Variants in HOXA1 observed in about 807,000 individuals in gnomAD.
The protein encoded by HOXA1 is homeobox A1.
In HOXA1, 21 loss-of-function variants were observed where a neutral mutation model predicts 28.3. The ratio of observed to expected loss-of-function variants is 0.74; its 90% CI spans 0.53 to 1.07. The LOEUF (loss-of-function observed/expected upper bound fraction) is 1.07. HOXA1 is among the 50% of genes least tolerant of loss of function. HOXA1 has a pLI of 0.00. For synonymous variants in HOXA1, 208 were observed against 181.2 expected (o/e 1.15, Z -1.19); for missense variants, 446 against 434.3 (o/e 1.03, Z -0.24).
Position 27,095,907 on chromosome 7 carries a change from G to T in HOXA1, c.6C>A (p.Asp2Glu). The T allele has an allele frequency of 1.2e-6, 2 of 1,613,116 alleles. No homozygotes were observed. The highest frequency in any genetic ancestry group is 1.7e-6 in the Non-Finnish European group (2 of 1,179,886). M[D>E]NARMNSFLEY... ...CCAGGAAGGAGTTCATTCTTGCATT[G>T]TCCATCTGTCACTGAGTGACCTGGT... Residue 2 changes from aspartate to glutamate, a missense_variant, in exon 1 of 2, where the codon GAC (aspartate) becomes GAA (glutamate). By Grantham distance (45) the Asp-to-Glu change is conservative (BLOSUM62 2). Transcript: ENST00000643460.
At position 27,095,549 on chromosome 7, in the gene HOXA1, C is replaced by A; in HGVS notation, c.364G>T (p.Gly122Trp). The change falls in exon 1 of 2, where the codon GGG (glycine) becomes TGG (tryptophan). Residue 122 changes from glycine (G) to tryptophan (W), a missense_variant. Physicochemically the swap from Gly to Trp is radical, Grantham distance 184 (BLOSUM62 -2). Transcript: ENST00000643460. ...ACAGCGGGAGCGCACTGGGGGTACC[C>A]ACCACTTACGTCTGCTTCCTGATTT... ...ALNQEADVSG[G>W]YPQCAPAVYS... 1.9e-6 allele frequency: 3 copies of A among 1,614,118 alleles called. No homozygotes were observed. The highest frequency in any genetic ancestry group is 2.5e-6 in the Non-Finnish European group (3 of 1,180,032).
chr7:27,093,994 G>C lies in HOXA1; in HGVS notation c.*446C>G, dbSNP rs886492260. ...GATGAATTAATTGTGTAAACATATA[G>C]TGCATCTCTTCTTCCTGAGCTCCTG... On this transcript the variant is annotated 3_prime_UTR_variant, in exon 2 of 2. Coordinates refer to ENST00000643460, the MANE Select transcript of HOXA1 (RefSeq NM_005522.5). The C allele has an allele frequency of 5.5e-6, 1 of 183,420 alleles. No individual in the cohort carries two copies. The highest frequency in any genetic ancestry group is 1.2e-5 in the Non-Finnish European group (1 of 85,134). The allele number at this position is 183,420 out of a possible 1,614,324, so 11.4% of individuals were successfully genotyped here. A position where few individuals can be genotyped will look rare whatever the true frequency, so the allele number is the denominator to read the frequency against.
In HOXA1 at chr7:27,094,399, C is replaced by A. The variant is rs1191393910; in HGVS notation, c.*41G>T. 1 of 1,382,064 alleles carries A rather than the reference C, an allele frequency of 7.2e-7. No homozygotes were observed. The highest frequency in any genetic ancestry group is 1.7e-5 in the Admixed American group (1 of 59,730). The allele number at this position is 1,382,064 out of a possible 1,614,324, so 85.6% of individuals were successfully genotyped here. On this transcript the variant is annotated 3_prime_UTR_variant, in exon 2 of 2. Coordinates refer to ENST00000643460, the MANE Select transcript of HOXA1 (RefSeq NM_005522.5). ...TGTGCTTTGGGTAAGAAGTCCCAGC[C>A]CAAGGAGATGCCTGGGCTGTTGTCT... is the stretch of plus-strand genomic sequence containing the variant.
Position 27,095,465 on chromosome 7 carries a change from C to T in HOXA1, c.448G>A (p.Ala150Thr), listed in dbSNP as rs1443940035. Residue 150 changes from alanine (A) to threonine (T), a missense_variant, in exon 1 of 2, where the codon GCT (alanine) becomes ACT (threonine). Physicochemically the swap from Ala to Thr is moderately conservative, Grantham distance 58. Transcript: ENST00000643460. ...TGAGGCGAGCCCACCGCGCCCCCAG[C>T]ATAACCCTGGTGGTGGTGGTGATGC... The part of the protein sequence containing the change: ...VQHHHHHQGY[A>T]GGAVGSPQYI... 3.1e-6 allele frequency: 5 copies of T among 1,614,148 alleles called. No homozygotes were observed. Among genetic ancestry groups the T allele is most frequent in the Non-Finnish European group, 4.2e-6 (5 of 1,180,038 alleles).
chr7:27,095,066 A>G (rs1311693361), intron 1 of HOXA1, among the ~76,000 whole-genome samples, 195 bp downstream of exon 1: 3 of 152,170 alleles, frequency 2.0e-5, no homozygotes, highest in African/African-American at 7.2e-5. Context: ...TCCCAAATGT[A>G]TAAAATCCTT....
In HOXA1 at chr7:27,093,412, A is replaced by G. The variant is rs901171776; in HGVS notation, c.*1028T>C. 6.6e-6 allele frequency: 1 copy of G among 152,652 alleles called. No homozygotes were observed. Among genetic ancestry groups the G allele is most frequent in the African/African-American group, 2.4e-5 (1 of 41,468 alleles). 9.5% of individuals were successfully genotyped at this position (152,652 alleles called of 1,614,324 possible). A position where few individuals can be genotyped will look rare whatever the true frequency, so the allele number is the denominator to read the frequency against. ...AGAGCTGTTCATGATTGTACAGGAA[A>G]TGGGGAATATCATAGGCTCACAAAG... On this transcript the variant is annotated 3_prime_UTR_variant, in exon 2 of 2. Coordinates refer to ENST00000643460, the MANE Select transcript of HOXA1 (RefSeq NM_005522.5).
chr7:27,095,616 A>G lies in HOXA1; in HGVS notation c.297T>C (p.Tyr99=). The change falls in exon 1 of 2, where the codon TAT becomes TAC. Residue 99 remains tyrosine, a synonymous_variant. Coordinates refer to ENST00000643460, the MANE Select transcript of HOXA1 (RefSeq NM_005522.5). ...SYSHSSCGPS[Y]GSQNFSAPYS... ...AAGGCGCACTGAAGTTCTGTGAGCC[A>G]TAGCTTGGACCACAACTTGAGTGGG... 7 of 1,614,164 alleles carry G rather than the reference A, an allele frequency of 4.3e-6. No homozygotes were observed. Among genetic ancestry groups the G allele is most frequent in the Non-Finnish European group, 5.9e-6 (7 of 1,180,030 alleles).
At position 27,095,019 on chromosome 7, in the gene HOXA1, C is replaced by T. The variant is rs74458426; in HGVS notation, c.653-224G>A. Among the ~76,000 whole-genome samples the T allele has an allele frequency of 0.05, 7,570 of 152,110 alleles. 359 individuals carry two copies. The highest frequency in any genetic ancestry group is 0.27 in the East Asian group (1,360 of 5,128). On this transcript the variant is annotated intron_variant, in intron 1 of 1. Coordinates refer to ENST00000643460, the MANE Select transcript of HOXA1 (RefSeq NM_005522.5). ...GGAGCCTCAAGATATTAACAGAACA[C>T]TACCGTCACAATAACCACCCCCACA...
Position 27,094,200 on chromosome 7 carries a change from G to T in HOXA1, c.*240C>A. 1 of 534,246 alleles carries T rather than the reference G, an allele frequency of 1.9e-6. No homozygotes were observed. Among genetic ancestry groups the T allele is most frequent in the South Asian group, 2.1e-5 (1 of 47,508 alleles). 33.1% of individuals were successfully genotyped at this position (534,246 alleles called of 1,614,324 possible). On this transcript the variant is annotated 3_prime_UTR_variant, in exon 2 of 2. Coordinates refer to ENST00000643460, the MANE Select transcript of HOXA1 (RefSeq NM_005522.5). ...GAATTCTCCTAAAAGCAGGAGGGAT[G>T]TTAAGGCCCACCAGAAAATGTATGC...
intron 1 of HOXA1, among the ~76,000 whole-genome samples, chr7:27,095,050 C>T (rs981412262): frequency 6.6e-6 from 1 of 152,118 alleles, no homozygotes; most frequent in Non-Finnish European, 1.5e-5. Flanking sequence ...CCACATACTT[C>T]CTATTTCCCA....
In HOXA1 at chr7:27,095,969, C is replaced by T. The variant is rs1375411606; in HGVS notation, c.-57G>A. 7.2e-7 allele frequency: 1 copy of T among 1,380,196 alleles called. No individual in the cohort carries two copies. The highest frequency in any genetic ancestry group is 1.5e-5 in the African/African-American group (1 of 68,612). 85.5% of individuals were successfully genotyped at this position (1,380,196 alleles called of 1,614,324 possible). ...CGGCGTGACTGTGCCAACTTTCTCA[C>T]TTCCTCCATGGGGCCGGAGAAGAAA... On this transcript the variant is annotated 5_prime_UTR_variant, in exon 1 of 2. The change creates a new upstream start codon in the 5' untranslated region. Transcript: ENST00000643460.
In HOXA1 at chr7:27,095,724, C is replaced by T. The variant is rs559987637; in HGVS notation, c.189G>A (p.Ser63=). ...GGTGGTGGTGGTGGTGGTGGTGGGG[C>T]GAACCGATCTGCACCCCCCTGCCCA... ...FLVGRGVQIG[S]PHHHHHHHHR... The change falls in exon 1 of 2, where the codon TCG becomes TCA. Residue 63 remains serine (S), a synonymous_variant. Coordinates refer to ENST00000643460, the MANE Select transcript of HOXA1 (RefSeq NM_005522.5). 1 of 1,612,348 alleles carries T rather than the reference C, an allele frequency of 6.2e-7. No homozygotes were observed. The highest frequency in any genetic ancestry group is 1.3e-5 in the African/African-American group (1 of 74,664).
intron 1 of HOXA1, 112 bp downstream of exon 1, chr7:27,095,149 G>T: frequency 8.3e-7 from 1 of 1,203,156 alleles, no homozygotes; most frequent in Non-Finnish European, 1.2e-6. Flanking sequence ...TACAACACTA[G>T]TCTGATACAA....
Position 27,094,651 on chromosome 7 carries a change from AG to A in HOXA1, c.796del (p.Leu266CysfsTer8). ...CTTCACTTGGGTCTCGTTGAGCTGCAGGGATGCAGCGATCTCCACCCTGCGG... is the reference window on the plus strand; with the variant it reads ...CTTCACTTGGGTCTCGTTGAGCTGCAGGATGCAGCGATCTCCACCCTGCGG... ...RARRVEIAASLQLNETQVKIW... is the reference protein window; with the variant it reads ...RARRVEIAASXQLNETQVKIW... On this transcript the variant is annotated frameshift_variant, in exon 2 of 2. Transcript: ENST00000643460. LOFTEE classifies it high-confidence loss of function. The A allele has an allele frequency of 6.2e-7, 1 of 1,614,086 alleles. No homozygotes were observed. The highest frequency in any genetic ancestry group is 8.5e-7 in the Non-Finnish European group (1 of 1,180,018).
Position 27,095,580 on chromosome 7 carries a change from G to A in HOXA1, c.333C>T (p.Tyr111=). The change falls in exon 1 of 2, where the codon TAC becomes TAT. Residue 111 remains tyrosine (Y), a synonymous_variant. Transcript: ENST00000643460. The part of the protein sequence containing the change: ...SQNFSAPYSP[Y]ALNQEADVSG... Reference sequence around the variant, plus strand: ...TTACGTCTGCTTCCTGATTTAACGCGTAGGGGCTGTAAGGCGCACTGAAGT... The same window carrying A: ...TTACGTCTGCTTCCTGATTTAACGCATAGGGGCTGTAAGGCGCACTGAAGT... 1.2e-6 allele frequency: 2 copies of A among 1,614,154 alleles called. No homozygotes were observed. Among genetic ancestry groups the A allele is most frequent in the Non-Finnish European group, 1.7e-6 (2 of 1,180,014 alleles).
rs769558127 is a variant in HOXA1, at chr7:27,095,504, A to G, written c.409T>C (p.Ser137Pro). 4 of 1,613,704 alleles carry G rather than the reference A, an allele frequency of 2.5e-6. No individual in the cohort carries two copies. Among genetic ancestry groups the G allele is most frequent in the Middle Eastern group, 1.6e-4 (1 of 6,084 alleles). The change falls in exon 1 of 2, where the codon TCT becomes CCT. Residue 137 changes from serine to proline, a missense_variant. Transcript: ENST00000643460. ...TGGTGGTGATGCTGGACCATGGGAGATGAGAGATTTCCAGAGTAAACAGCG... is the reference window on the plus strand; with the variant it reads ...TGGTGGTGATGCTGGACCATGGGAGGTGAGAGATTTCCAGAGTAAACAGCG... Reference protein sequence around the residue: ...APAVYSGNLSSPMVQHHHHHQ... With the variant: ...APAVYSGNLSPPMVQHHHHHQ...
In HOXA1 at chr7:27,095,460, C is replaced by T. The variant is rs1783796643; in HGVS notation, c.453G>A (p.Gly151=). 6.2e-7 allele frequency: 1 copy of T among 1,614,110 alleles called. No individual in the cohort carries two copies. The highest frequency in any genetic ancestry group is 8.5e-7 in the Non-Finnish European group (1 of 1,180,012). ...QHHHHHQGYA[G]GAVGSPQYIH... ...TGTATTGAGGCGAGCCCACCGCGCC[C>T]CCAGCATAACCCTGGTGGTGGTGGT... The change falls in exon 1 of 2, where the codon GGG becomes GGA. Residue 151 remains glycine (G), a synonymous_variant. Transcript: ENST00000643460.
Position 27,095,370 on chromosome 7 carries a change from G to C in HOXA1, c.543C>G (p.Ser181=), listed in dbSNP as rs760309528. The part of the protein sequence containing the change: ...LALATYNNSL[S]PLHASHQEAC... Reference sequence around the variant, plus strand: ...CTTCTTGGTGGCTGGCGTGGAGAGGGGACAAGGAGTTATTATACGTAGCCA... The same window carrying C: ...CTTCTTGGTGGCTGGCGTGGAGAGGCGACAAGGAGTTATTATACGTAGCCA... Residue 181 remains serine (S), a synonymous_variant, in exon 1 of 2, where the codon TCC becomes TCG. Coordinates refer to ENST00000643460, the MANE Select transcript of HOXA1 (RefSeq NM_005522.5). The C allele has an allele frequency of 2.5e-6, 4 of 1,613,860 alleles. No homozygotes were observed. Among genetic ancestry groups the C allele is most frequent in the African/African-American group, 2.7e-5 (2 of 74,852 alleles).
chr7:27,094,311 C>A lies in HOXA1; in HGVS notation c.*129G>T. 1.4e-6 allele frequency: 1 copy of A among 731,390 alleles called. No individual in the cohort carries two copies. The highest frequency in any genetic ancestry group is 2.4e-6 in the Non-Finnish European group (1 of 414,404). 45.3% of individuals were successfully genotyped at this position (731,390 alleles called of 1,614,324 possible). On this transcript the variant is annotated 3_prime_UTR_variant, in exon 2 of 2. Transcript: ENST00000643460. ...GCAAATATATTATCCTGGCCAGGAG[C>A]TCCCCAGATAGGATTAGAAAGGAAG...
Sources: allele counts gnomAD v4.1 joint callset (sites outside exome capture counted in the v4.1 genomes callset), GRCh38; gene constraint gnomAD v4.1.1; transcripts MANE v1.5; gene names NCBI Gene and HGNC (gene_info 2026-07-23, HGNC 2026-07-21).